METTL6: variants seen among roughly 807,000 people sequenced by gnomAD.
The protein encoded by METTL6 is tRNA N(3)-cytidine methyltransferase METTL6.
Under a neutral mutation model 26.4 loss-of-function variants are expected in METTL6, and 22 were observed. The observed-to-expected ratio is 0.83, with a 90% confidence interval of 0.59 to 1.19. METTL6 has a LOEUF of 1.19. METTL6 is among the 50% of genes most tolerant of loss of function. The pLI is 0.00. For synonymous variants in METTL6, 109 were observed against 116.2 expected, an observed-to-expected ratio of 0.94 and a Z score of 0.40; for missense variants, 304 against 324.8, an observed-to-expected ratio of 0.94 and a Z score of 0.49.
At chr3:15,401,987 T>A (rs1699659780) in intron 6 of METTL6, among the ~76,000 whole-genome samples, 1 of 152,240 alleles carries the variant, frequency 6.6e-6, no homozygotes, top group Non-Finnish European at 1.5e-5. Context: ...CTTTACTCTA[T>A]GAACTCGCCC....
intron 6 of METTL6, among the ~76,000 whole-genome samples, chr3:15,386,728 T>G (rs1006178358): frequency 6.6e-6 from 1 of 152,136 alleles, no homozygotes; most frequent in Admixed American, 6.5e-5. Context: ...TGAACGTGCC[T>G]TAGTCCACTT....
At position 15,425,190 on chromosome 3, in the gene METTL6, G is replaced by A. The variant is rs191259184; in HGVS notation, c.226-101C>T. 1.2e-4 allele frequency: 154 copies of A among 1,256,472 alleles called. 3 individuals carry two copies. The Admixed American group carries it at 2.6e-3, about 21-fold the overall frequency. 77.8% of individuals were successfully genotyped at this position (1,256,472 alleles called of 1,614,324 possible). ...AATATGAGAGGTCTCCGACCCCATG[G>A]AGCAGACGATCAACAAGAGAACTAA... On this transcript the variant is annotated intron_variant, in intron 2 of 5. Coordinates refer to ENST00000383790, the MANE Select transcript of METTL6 (RefSeq NM_152396.4).
rs936222502 is a variant in METTL6 at position 15,400,026 on chromosome 3, T to A, written c.*11+11219A>T. 2.2e-4 allele frequency among the ~76,000 whole-genome samples: 33 copies of A among 152,098 alleles called. 1 individual carries two copies. Among genetic ancestry groups the A allele is most frequent in the African/African-American group, 8.0e-4 (33 of 41,400 alleles). ...AGAGGCTTTCTCTGAGCCCCCCTTA[T>A]CTGCCTAGAGATGGAACTAGGAAAA... On this transcript the variant is annotated intron_variant, in intron 6 of 6. Coordinates refer to the METTL6 transcript ENST00000443029.
intron 3 of METTL6, among the ~76,000 whole-genome samples, chr3:15,419,969 C>CCCTCCCGT (rs1413640524): frequency 6.6e-6 from 1 of 150,696 alleles, no homozygotes; most frequent in Non-Finnish European, 1.5e-5. Context: ...TCATGCCGTT[C>CCCTCCCGT]TCCTGCCTCA....
downstream of METTL6, among the ~76,000 whole-genome samples, chr3:15,405,332 T>C (rs968680373): frequency 3.9e-5 from 6 of 152,172 alleles, no homozygotes; most frequent in Non-Finnish European, 2.9e-5. Context: ...GACTGAACAT[T>C]AGGTAAAAGC....
chr3:15,407,562 ACC>A (rs751696630), downstream of METTL6, among the ~76,000 whole-genome samples: 6 of 151,976 alleles, frequency 3.9e-5, no homozygotes, highest in Non-Finnish European at 8.8e-5. Context: ...CCCAATAGCT[ACC>A]CTTCTAAGGG....
At chr3:15,413,071 C>T (rs747722584) in intron 5 of METTL6, among the ~76,000 whole-genome samples, 2 of 152,042 alleles carry the variant, frequency 1.3e-5, no homozygotes, top group Non-Finnish European at 2.9e-5. Context: ...ATGGCAAAAC[C>T]GCATCTCTAC....
Position 15,427,483 on chromosome 3 carries a change from G to C in METTL6, c.-206C>G, listed in dbSNP as rs115952434. 1,498 of 464,218 alleles carry C rather than the reference G, an allele frequency of 3.2e-3. 5 individuals carry two copies. Among genetic ancestry groups the C allele is most frequent in the African/African-American group, 0.026 (1,271 of 49,354 alleles). The allele number at this position is 464,218 out of a possible 1,614,324, so 28.8% of individuals were successfully genotyped here. A position where few individuals can be genotyped will look rare whatever the true frequency, so the allele number is the denominator to read the frequency against. ...ACCCTAAACCAATTCTGAGGACCAC[G>C]AATTCGGATTATCCGGGAGTTCTTT... On this transcript the variant is annotated 5_prime_UTR_variant, in exon 1 of 6. Transcript: ENST00000383790.
At chr3:15,407,812 TA>T (rs767584944), downstream of METTL6, among the ~76,000 whole-genome samples, 1 of 152,226 alleles carries the variant, frequency 6.6e-6, no homozygotes, top group Non-Finnish European at 1.5e-5. Flanking sequence ...TTATTATTGG[TA>T]AAACTGTTAA....
intron 5 of METTL6, among the ~76,000 whole-genome samples, chr3:15,412,244 C>T (rs1160967566): frequency 1.3e-5 from 2 of 152,136 alleles, no homozygotes; most frequent in Non-Finnish European, 2.9e-5. Context: ...CCAGTGGTGA[C>T]CTAGCTCCAG....
chr3:15,403,915 C>T (rs1699714836), intron 6 of METTL6, among the ~76,000 whole-genome samples: 1 of 152,156 alleles, frequency 6.6e-6, no homozygotes, highest in Non-Finnish European at 1.5e-5. Flanking sequence ...CTGACATTGC[C>T]ATGGCATTTG....
At chr3:15,403,561 C>G (rs1477827869) in intron 6 of METTL6, among the ~76,000 whole-genome samples, 1 of 152,144 alleles carries the variant, frequency 6.6e-6, no homozygotes, top group Non-Finnish European at 1.5e-5. Context: ...CTTTTTCCTT[C>G]TCCTGGTTTT....
At chr3:15,400,702 C>G (rs1003017785) in intron 6 of METTL6, among the ~76,000 whole-genome samples, 2 of 152,054 alleles carry the variant, frequency 1.3e-5, no homozygotes, top group Admixed American at 1.3e-4. Context: ...AATAAAGGGT[C>G]ATTACAGAAA....
intron 6 of METTL6, among the ~76,000 whole-genome samples, chr3:15,401,114 ACTGCAAGCTCCAC>A (rs942177726): frequency 1.3e-5 from 2 of 151,186 alleles, no homozygotes; most frequent in African/African-American, 4.9e-5. Flanking sequence ...ATCTTGGCTC[ACTGCAAGCTCCAC>A]CTTCCGGGTT....
chr3:15,413,010 T>C (rs1700037484), intron 5 of METTL6, among the ~76,000 whole-genome samples: 4 of 152,174 alleles, frequency 2.6e-5, no homozygotes, highest in South Asian at 2.1e-4. Context: ...TTTGGGAGGC[T>C]GAAGTGGGCA....
chr3:15,387,418 T>C (rs1012856599), intron 6 of METTL6, among the ~76,000 whole-genome samples: 1 of 152,256 alleles, frequency 6.6e-6, no homozygotes, highest in Non-Finnish European at 1.5e-5. Flanking sequence ...TATCTCATCC[T>C]GTGACTAAGA....
At chr3:15,411,469 T>C in intron 5 of METTL6, 32 bp from the exon 6 acceptor site, 1 of 1,595,832 alleles carries the variant, frequency 6.3e-7, no homozygotes, top group Non-Finnish European at 8.5e-7. Flanking sequence ...TGCTCAACAG[T>C]CTTCATAACA....
chr3:15,422,995 C>A (rs1486481194), intron 3 of METTL6, among the ~76,000 whole-genome samples: 1 of 152,134 alleles, frequency 6.6e-6, no homozygotes, highest in African/African-American at 2.4e-5. Flanking sequence ...TGCAAATAAA[C>A]AATTAGACCA....
intron 1 of METTL6, 197 bp downstream of exon 1, chr3:15,427,205 G>C (rs952928978): frequency 2.5e-5 from 4 of 157,220 alleles, no homozygotes; most frequent in African/African-American, 9.6e-5. Context: ...TGGAGAAAGA[G>C]ACCCAATGAC....
Sources: allele counts gnomAD v4.1 joint callset (sites outside exome capture counted in the v4.1 genomes callset), GRCh38; gene constraint gnomAD v4.1.1; transcripts MANE v1.5; gene names NCBI Gene and HGNC (gene_info 2026-07-23, HGNC 2026-07-21).